The following PCDHA2 variants were observed in gnomAD, a reference collection of about 807,000 sequenced individuals.
PCDHA2 encodes the protein protocadherin alpha 2, also known as protocadherin alpha-2.
Under a neutral mutation model 66.0 loss-of-function variants are expected in PCDHA2, and 58 were observed. That is an observed-to-expected ratio of 0.88 (90% CI 0.71 to 1.09). PCDHA2 has a LOEUF of 1.09. PCDHA2 is among the 50% of genes least tolerant of loss of function. PCDHA2 has a pLI of 0.00. For missense variants in PCDHA2, 1,267 were observed against 1,242.3 expected (o/e 1.02, Z -0.30); for synonymous variants, 634 against 554.0 (o/e 1.14, Z -2.03).
intron 1 of PCDHA2, chr5:140,866,000 TAA>T (rs1485805064): frequency 6.6e-6 from 1 of 152,190 alleles, no homozygotes; most frequent in Non-Finnish European, 1.5e-5. Flanking sequence ...TTTTTTATGT[TAA>T]GTGATTTTTT....
intron 1 of PCDHA2, among the ~76,000 whole-genome samples, chr5:140,896,577 G>A (rs1273423445): frequency 4.7e-5 from 7 of 149,554 alleles, no homozygotes; most frequent in African/African-American, 1.7e-4. Context: ...GGGTTTTGAC[G>A]TGTTGGCCAG....
rs183895134 is a variant in PCDHA2, at chr5:140,837,381, G to A, written c.2388+40029G>A. Among the ~76,000 whole-genome samples the A allele has an allele frequency of 4.0e-3, 608 of 151,774 alleles. 11 individuals carry two copies. Among genetic ancestry groups the A allele is most frequent in the African/African-American group, 0.014 (587 of 41,372 alleles). On this transcript the variant is annotated intron_variant, in intron 1 of 3. Transcript: ENST00000526136. ...GCAGTTTAATAGTATTTTTTATTTTGTTCCTTGTTTGTATAAGAAATATAT... is the reference window on the plus strand; with the variant it reads ...GCAGTTTAATAGTATTTTTTATTTTATTCCTTGTTTGTATAAGAAATATAT...
chr5:140,841,616 A>T (rs2150319486), intron 1 of PCDHA2: 1 of 1,613,946 alleles, frequency 6.2e-7, no homozygotes, highest in Non-Finnish European at 8.5e-7. Flanking sequence ...GTGCGGGCGG[A>T]GCGCGGAGTG....
At chr5:140,892,702 A>C (rs1391662001) in intron 1 of PCDHA2, among the ~76,000 whole-genome samples, 1 of 152,240 alleles carries the variant, frequency 6.6e-6, no homozygotes, top group Non-Finnish European at 1.5e-5. Flanking sequence ...AAATCAGGGT[A>C]ATTAGCATAT....
chr5:140,848,707 G>GC, intron 1 of PCDHA2: 1 of 1,592,428 alleles, frequency 6.3e-7, no homozygotes, highest in Non-Finnish European at 8.6e-7. Flanking sequence ...TCCAAAGGCC[G>GC]CGGGGACCTT....
intron 1 of PCDHA2, 57 bp downstream of exon 1, chr5:140,797,409 T>C (rs1554120432): frequency 6.5e-7 from 1 of 1,527,102 alleles, no homozygotes; most frequent in Non-Finnish European, 9.0e-7. Context: ...AAAAATTCTA[T>C]ATGATTTCTA....
intron 1 of PCDHA2, among the ~76,000 whole-genome samples, chr5:140,901,191 C>A (rs2153472732): frequency 6.6e-6 from 1 of 152,084 alleles, no homozygotes; most frequent in Non-Finnish European, 1.5e-5. Context: ...GTTTGCTTTT[C>A]TGTGCAGAAG....
chr5:140,860,028 C>A (rs2046140974), intron 1 of PCDHA2: 1 of 151,914 alleles, frequency 6.6e-6, no homozygotes, highest in South Asian at 2.1e-4. Context: ...GTGGCTCACA[C>A]CTGTAATCCC....
At chr5:140,880,630 C>T (rs2058401400) in intron 1 of PCDHA2, among the ~76,000 whole-genome samples, 2 of 152,122 alleles carry the variant, frequency 1.3e-5, no homozygotes, top group Admixed American at 1.3e-4. Context: ...AGTTAATTAT[C>T]AATTCACTTG....
chr5:140,802,698 G>C (rs781931721), intron 1 of PCDHA2: 2 of 1,612,730 alleles, frequency 1.2e-6, no homozygotes, highest in Non-Finnish European at 1.7e-6. Context: ...GCGGGTGGGG[G>C]AGCGCGCGCT....
chr5:140,930,859 G>GAT lies in PCDHA2; in HGVS notation c.2389-48089_2389-48088dup, dbSNP rs1554208143. On this transcript the variant is annotated intron_variant, in intron 1 of 3. Transcript: ENST00000526136. ...AATAAATATGTGCATATATGAATTG[G>GAT]ATGGTAACACTGTTCAACACAGAGG... Among the ~76,000 whole-genome samples, 803 of 152,288 alleles carry GAT rather than the reference G, an allele frequency of 5.3e-3. 3 individuals are homozygous for GAT. Among genetic ancestry groups the GAT allele is most frequent in the Non-Finnish European group, 8.4e-3 (568 of 68,020 alleles).
chr5:140,960,919 A>G (rs542740686), intron 1 of PCDHA2, among the ~76,000 whole-genome samples: 1 of 152,334 alleles, frequency 6.6e-6, no homozygotes, highest in Non-Finnish European at 1.5e-5. Flanking sequence ...CAGATAGAAA[A>G]TTGGTACTAA....
intron 1 of PCDHA2, chr5:140,882,287 G>A (rs1289206552): frequency 3.1e-6 from 5 of 1,613,126 alleles, no homozygotes; most frequent in African/African-American, 1.3e-5. Context: ...TTCCTGGCAA[G>A]GAGGCCCAAG....
intron 1 of PCDHA2, chr5:140,841,535 C>CG: frequency 6.2e-7 from 1 of 1,613,664 alleles, no homozygotes; most frequent in Non-Finnish European, 8.5e-7. Context: ...CAAAAGACAC[C>CG]GGGACCTTCT....
intron 1 of PCDHA2, chr5:140,823,600 G>T: frequency 6.2e-7 from 1 of 1,614,032 alleles, no homozygotes; most frequent in Non-Finnish European, 8.5e-7. Context: ...GCTTTCGTAT[G>T]AGCTGCAGCC....
At chr5:140,806,941 A>T in intron 1 of PCDHA2, 3 of 566,622 alleles carry the variant, frequency 5.3e-6, no homozygotes, top group Non-Finnish European at 9.4e-6. Context: ...AGTTTACAGT[A>T]GAGTGTGTGG....
chr5:140,928,949 T>C, intron 1 of PCDHA2: 1 of 1,614,066 alleles, frequency 6.2e-7, no homozygotes, highest in Non-Finnish European at 8.5e-7. Flanking sequence ...TATTTAGTAA[T>C]TGCCTTGGCT....
rs781991042 is a variant in PCDHA2, at chr5:140,968,933, A to G, written c.2389-10016A>G. ...AGTGTCTTTTATATTTCTTTTGACA[A>G]TCATCATTTTGAGCATCATCAAGTG... On this transcript the variant is annotated intron_variant, in intron 1 of 3. Transcript: ENST00000526136. 77 of 1,614,052 alleles carry G rather than the reference A, an allele frequency of 4.8e-5. No individual in the cohort carries two copies. Among genetic ancestry groups the G allele is most frequent in the Non-Finnish European group, 6.0e-5 (71 of 1,180,034 alleles).
At chr5:140,998,403 A>G (rs375947232) in intron 3 of PCDHA2, among the ~76,000 whole-genome samples, 5 of 152,114 alleles carry the variant, frequency 3.3e-5, no homozygotes, top group Non-Finnish European at 7.4e-5. Context: ...CTTTATGCCA[A>G]AGTTTATCTA....
Sources: gnomAD v4.1 joint callset for allele counts (sites outside exome capture counted in the v4.1 genomes callset) on GRCh38, gnomAD v4.1.1 for gene constraint, MANE v1.5 for transcripts, NCBI Gene and HGNC (gene_info 2026-07-23, HGNC 2026-07-21) for gene names.